Variants in MED13L observed in about 807,000 individuals in gnomAD.
The protein encoded by MED13L is mediator of RNA polymerase II transcription subunit 13-like.
In MED13L, 7 loss-of-function variants were observed where a neutral mutation model predicts 220.9. The ratio of observed to expected loss-of-function variants is 0.03; its 90% confidence interval spans 0.02 to 0.06. MED13L has a LOEUF of 0.06. MED13L is among the 10% of genes least tolerant of loss of function. MED13L has a pLI of 1.00. For synonymous variants in MED13L, 1,011 were observed against 1,015.2 expected (o/e 1.00, Z 0.08); for missense variants, 1,965 against 2,760.5 (o/e 0.71, Z 6.46).
intron 30 of MED13L, chr12:115,961,611 T>C: frequency 3.0e-6 from 2 of 659,304 alleles, no homozygotes; most frequent in Non-Finnish European, 5.2e-6. Context: ...ACATGGCCAT[T>C]GAGCTCCGCC....
At chr12:116,014,287 T>C (rs539313125) in intron 8 of MED13L, among the ~76,000 whole-genome samples, 48 of 152,324 alleles carry the variant, frequency 3.2e-4, no homozygotes, top group African/African-American at 1.1e-3. Context: ...AGGGAAGTTA[T>C]TGGATTTTAC....
At chr12:115,997,695 G>A (rs1878495679) in intron 14 of MED13L, among the ~76,000 whole-genome samples, 1 of 152,190 alleles carries the variant, frequency 6.6e-6, no homozygotes, top group Non-Finnish European at 1.5e-5. Flanking sequence ...GCGCTGGGAT[G>A]GCAGGTGTGA....
chr12:116,051,595 A>G (rs1046861556), intron 4 of MED13L, among the ~76,000 whole-genome samples: 18 of 152,242 alleles, frequency 1.2e-4, no homozygotes, highest in African/African-American at 3.9e-4. Flanking sequence ...CGATTTTGGA[A>G]TATCTGCATA....
intron 2 of MED13L, among the ~76,000 whole-genome samples, chr12:116,134,197 A>T (rs1876322157): frequency 6.6e-6 from 1 of 152,182 alleles, no homozygotes; most frequent in South Asian, 2.1e-4. Context: ...ACAAAAACAA[A>T]ATTATTGTAC....
chr12:116,039,501 C>T (rs1415617608), intron 4 of MED13L, among the ~76,000 whole-genome samples: 3 of 152,144 alleles, frequency 2.0e-5, no homozygotes, highest in Non-Finnish European at 2.9e-5. Flanking sequence ...CACAGTATGG[C>T]CTTCAACCAT....
At chr12:116,226,162 A>G (rs1868968296) in intron 2 of MED13L, among the ~76,000 whole-genome samples, 1 of 151,126 alleles carries the variant, frequency 6.6e-6, no homozygotes, top group Non-Finnish European at 1.5e-5. Flanking sequence ...GCTCATATTC[A>G]GTTACACTAT....
At chr12:116,102,453 T>C (rs1420041878) in intron 3 of MED13L, among the ~76,000 whole-genome samples, 2 of 152,140 alleles carry the variant, frequency 1.3e-5, no homozygotes, top group Non-Finnish European at 2.9e-5. Flanking sequence ...CAAAATTACA[T>C]CTTCTGTTAA....
At chr12:116,105,829 G>A (rs1197583500) in intron 3 of MED13L, among the ~76,000 whole-genome samples, 1 of 152,210 alleles carries the variant, frequency 6.6e-6, no homozygotes, top group Non-Finnish European at 1.5e-5. Context: ...GCTTGGCCAT[G>A]TACCTTGGGT....
Position 116,277,185 on chromosome 12 carries a change from A to C in MED13L, c.-54T>G. 1 of 1,344,238 alleles carries C rather than the reference A, an allele frequency of 7.4e-7. No homozygotes were observed. Among genetic ancestry groups the C allele is most frequent in the Non-Finnish European group, 9.8e-7 (1 of 1,015,724 alleles). The allele number at this position is 1,344,238 out of a possible 1,614,324, so 83.3% of individuals were successfully genotyped here. On this transcript the variant is annotated 5_prime_UTR_variant, in exon 1 of 31. Coordinates refer to ENST00000281928, the MANE Select transcript of MED13L (RefSeq NM_015335.5). Reference sequence around the variant, plus strand: ...GGGGCATGTCGGAGCGAGGCGTCCGAGGCGAGGCCGGGCCGGGCGGCGGCG... The same window carrying C: ...GGGGCATGTCGGAGCGAGGCGTCCGCGGCGAGGCCGGGCCGGGCGGCGGCG...
chr12:115,963,159 C>A (rs1219872693), intron 30 of MED13L, among the ~76,000 whole-genome samples: 1 of 152,168 alleles, frequency 6.6e-6, no homozygotes, highest in Non-Finnish European at 1.5e-5. Flanking sequence ...CCATGAAGTG[C>A]CTGCTCTGAA....
intron 2 of MED13L, among the ~76,000 whole-genome samples, chr12:116,155,837 G>C (rs1878384104): frequency 6.6e-6 from 1 of 152,010 alleles, no homozygotes; most frequent in Non-Finnish European, 1.5e-5. Context: ...ATTGATTCTA[G>C]GTCCCAAGCA....
intron 28 of MED13L, 138 bp downstream of exon 28, chr12:115,968,802 C>T: frequency 9.6e-7 from 1 of 1,044,560 alleles, no homozygotes; most frequent in Non-Finnish European, 1.5e-6. Context: ...TAGTCAGTTT[C>T]CCACACTTAT....
In MED13L at chr12:116,111,525, A is replaced by G. The variant is rs778317195; in HGVS notation, c.311-13T>C. 1.3e-6 allele frequency: 2 copies of G among 1,581,444 alleles called. No homozygotes were observed. The highest frequency in any genetic ancestry group is 1.7e-6 in the Non-Finnish European group (2 of 1,161,422). On this transcript the variant is annotated splice_polypyrimidine_tract_variant and intron_variant, in intron 2 of 30. Transcript: ENST00000281928. The stretch of plus-strand genomic sequence containing the variant: ...CCTTCTTCCACAACTGAAAAAAAAA[A>G]GAAAAAAGAAAAAAAAAGAACCAGT...
intron 11 of MED13L, 153 bp downstream of exon 11, chr12:116,007,258 T>C (rs1369907993): frequency 2.7e-6 from 2 of 741,654 alleles, no homozygotes; most frequent in Non-Finnish European, 4.8e-6. Context: ...CAATACGCTG[T>C]TCAATACAAT....
chr12:116,137,348 T>C (rs1223130853), intron 2 of MED13L, among the ~76,000 whole-genome samples: 2 of 152,140 alleles, frequency 1.3e-5, no homozygotes, highest in Non-Finnish European at 2.9e-5. Context: ...ATAATACTCT[T>C]ATGAGGTAGA....
chr12:116,039,520 C>T (rs1408077832), intron 4 of MED13L, among the ~76,000 whole-genome samples: 14 of 152,182 alleles, frequency 9.2e-5, no homozygotes, highest in Admixed American at 5.9e-4. Flanking sequence ...ATCTGCATTG[C>T]TCATGATCCC....
chr12:116,149,971 AT>A (rs1230796731), intron 2 of MED13L, among the ~76,000 whole-genome samples: 1 of 152,308 alleles, frequency 6.6e-6, no homozygotes, highest in East Asian at 1.9e-4. Flanking sequence ...TGATAGTTAC[AT>A]TTTTTTAATG....
chr12:116,193,746 T>C (rs1279253132), intron 2 of MED13L, among the ~76,000 whole-genome samples: 2 of 152,084 alleles, frequency 1.3e-5, no homozygotes, highest in Admixed American at 6.6e-5. Context: ...GAAAACCACA[T>C]ATCTGCTTCT....
chr12:116,050,840 G>T (rs1382533528), intron 4 of MED13L, among the ~76,000 whole-genome samples: 1 of 152,160 alleles, frequency 6.6e-6, no homozygotes, highest in African/African-American at 2.4e-5. Context: ...TCAGGAGGCT[G>T]AGGTAGGAGA....
Sources: gnomAD v4.1 joint callset for allele counts (sites outside exome capture counted in the v4.1 genomes callset) on GRCh38, gnomAD v4.1.1 for gene constraint, MANE v1.5 for transcripts, NCBI Gene and HGNC (gene_info 2026-07-23, HGNC 2026-07-21) for gene names.